PARD3: variants seen among roughly 807,000 people sequenced by gnomAD.
The protein encoded by PARD3 is par-3 family cell polarity regulator.
A neutral mutation model predicts 155.4 loss-of-function variants in PARD3; 75 were observed. The ratio of observed to expected loss-of-function variants is 0.48; its 90% CI spans 0.40 to 0.58. PARD3 has a LOEUF of 0.58. Among genes scored for constraint, PARD3 ranks in the 20% least tolerant of loss-of-function variants. The probability of loss-of-function intolerance (pLI) is 0.00; values close to 1 mark genes in which losing one functional copy is unlikely to be tolerated. For missense variants in PARD3, 1,642 were observed against 1,721.7 expected, an observed-to-expected ratio of 0.95 and a Z score of 0.82; for synonymous variants, 576 against 610.5, an observed-to-expected ratio of 0.94 and a Z score of 0.83.
chr10:34,610,829 C>A (rs1381936518), intron 2 of PARD3, among the ~76,000 whole-genome samples: 1 of 151,940 alleles, frequency 6.6e-6, no homozygotes, highest in Non-Finnish European at 1.5e-5. Context: ...TTAGAAGTAC[C>A]CACAGCTTTT....
chr10:34,239,668 T>C (rs1953453194), intron 22 of PARD3, among the ~76,000 whole-genome samples: 1 of 151,954 alleles, frequency 6.6e-6, no homozygotes, highest in Admixed American at 6.6e-5. Flanking sequence ...CCGGGCATGG[T>C]GACGTGTGCC....
At chr10:34,476,655 C>A (rs2078724943) in intron 3 of PARD3, among the ~76,000 whole-genome samples, 1 of 152,090 alleles carries the variant, frequency 6.6e-6, no homozygotes, top group Non-Finnish European at 1.5e-5. Context: ...GGTGCGAGTA[C>A]ACATATGTTC....
At chr10:34,704,862 CAAAT>C (rs1171388151) in intron 1 of PARD3, among the ~76,000 whole-genome samples, 4 of 152,274 alleles carry the variant, frequency 2.6e-5, no homozygotes, top group South Asian at 2.1e-4. Context: ...GTTAACAAGA[CAAAT>C]AAAGTCCTAG....
At chr10:34,353,213 G>A (rs1838371924) in intron 14 of PARD3, among the ~76,000 whole-genome samples, 1 of 152,246 alleles carries the variant, frequency 6.6e-6, no homozygotes, top group African/African-American at 2.4e-5. Context: ...CCGTCCGGGA[G>A]GTGGACCCAA....
In PARD3 at chr10:34,382,569, C is replaced by A. The variant is rs201396530; in HGVS notation, c.1370G>T (p.Gly457Val). Residue 457 changes from glycine to valine, a missense_variant, in exon 9 of 25, where the codon GGC becomes GTC. Around this residue, in one of 3 missense-constraint regions of PARD3, gnomAD observed 1,529 missense variants for 1,587.3 expected, o/e 0.96. Transcript: ENST00000374788. Reference sequence around the variant, plus strand: ...CTTAAGCTGGATATTAAGCCTCTTGCCTATTTTTTTGGTGTTATAACCACT... The same window carrying A: ...CTTAAGCTGGATATTAAGCCTCTTGACTATTTTTTTGGTGTTATAACCACT... ...VSSGYNTKKIGKRLNIQLKKG... is the reference protein window; with the variant it reads ...VSSGYNTKKIVKRLNIQLKKG... 50 of 1,613,166 alleles carry A rather than the reference C, an allele frequency of 3.1e-5. No individual in the cohort carries two copies. The highest frequency in any genetic ancestry group is 4.2e-5 in the Non-Finnish European group (49 of 1,179,964).
At chr10:34,733,672 C>T (rs973849288) in intron 1 of PARD3, among the ~76,000 whole-genome samples, 7 of 152,072 alleles carry the variant, frequency 4.6e-5, no homozygotes, top group Non-Finnish European at 7.4e-5. Context: ...TTAGTAGAGA[C>T]GGGGTTTGAG....
At chr10:34,303,069 T>A (rs143920776) in intron 20 of PARD3, among the ~76,000 whole-genome samples, 638 of 33,092 alleles carry the variant, frequency 0.019, 6 homozygotes, top group African/African-American at 0.035. Context: ...AACCAAGTTT[T>A]AAAAAAAAAA....
chr10:34,132,924 T>C (rs1006622113), intron 22 of PARD3, among the ~76,000 whole-genome samples: 2 of 152,020 alleles, frequency 1.3e-5, no homozygotes, highest in Non-Finnish European at 2.9e-5. Context: ...AGAAGGAGCA[T>C]CTGAATGTCA....
At chr10:34,134,724 T>A (rs992304077) in intron 22 of PARD3, among the ~76,000 whole-genome samples, 1 of 151,596 alleles carries the variant, frequency 6.6e-6, no homozygotes, top group African/African-American at 2.4e-5. Context: ...ATGGCTGAAG[T>A]TGGAAAACAG....
intron 1 of PARD3, among the ~76,000 whole-genome samples, chr10:34,796,154 A>G (rs1236807226): frequency 6.6e-6 from 1 of 152,180 alleles, no homozygotes; most frequent in Non-Finnish European, 1.5e-5. Context: ...TTTGTACAAT[A>G]AACTATGAAC....
intron 23 of PARD3, among the ~76,000 whole-genome samples, chr10:34,128,538 A>G (rs1947413842): frequency 3.9e-5 from 6 of 152,186 alleles, no homozygotes; most frequent in Admixed American, 3.9e-4. Context: ...GCAGTAGTTA[A>G]GTTTTCGGGA....
intron 6 of PARD3, 87 bp downstream of exon 6, chr10:34,401,739 C>T: frequency 1.2e-6 from 1 of 869,120 alleles, no homozygotes; most frequent in Non-Finnish European, 2.0e-6. Context: ...ACAAACATTC[C>T]TCATGCCATA....
At chr10:34,696,957 T>G (rs1470392102) in intron 1 of PARD3, among the ~76,000 whole-genome samples, 1 of 151,214 alleles carries the variant, frequency 6.6e-6, no homozygotes, top group Non-Finnish European at 1.5e-5. Context: ...ACAAAGCACA[T>G]CCTGTGTGGC....
intron 4 of PARD3, among the ~76,000 whole-genome samples, chr10:34,454,798 G>A (rs1191479347): frequency 6.6e-6 from 1 of 152,118 alleles, no homozygotes; most frequent in Non-Finnish European, 1.5e-5. Context: ...TAAATGTACT[G>A]CCACAGCATC....
chr10:34,684,665 TCATTCATTCTTCACACAGCCAC>T (rs1700754793), intron 2 of PARD3, among the ~76,000 whole-genome samples: 1 of 152,036 alleles, frequency 6.6e-6, no homozygotes, highest in African/African-American at 2.4e-5. Context: ...TGCTGCCTCC[TCATTCATTCTTCACACAGCCAC>T]CAGGGGGATA....
intron 22 of PARD3, among the ~76,000 whole-genome samples, chr10:34,227,571 G>A (rs1021071708): frequency 7.2e-5 from 11 of 152,216 alleles, no homozygotes; most frequent in Non-Finnish European, 1.2e-4. Flanking sequence ...CCGGGAGGCA[G>A]AGGTTGCAGT....
intron 2 of PARD3, among the ~76,000 whole-genome samples, chr10:34,591,076 C>A (rs1372408386): frequency 6.6e-6 from 1 of 152,080 alleles, no homozygotes; most frequent in Non-Finnish European, 1.5e-5. Context: ...ACCTGCACAC[C>A]ATTCTGTCCC....
chr10:34,556,225 G>A (rs4497348), intron 2 of PARD3, among the ~76,000 whole-genome samples: 4,762 of 152,156 alleles, frequency 0.031, 221 homozygotes, highest in African/African-American at 0.1. Context: ...CGGTAGTACC[G>A]TTACAACAAC....
At chr10:34,138,342 T>C (rs967058848) in intron 22 of PARD3, among the ~76,000 whole-genome samples, 1 of 152,188 alleles carries the variant, frequency 6.6e-6, no homozygotes, top group Non-Finnish European at 1.5e-5. Flanking sequence ...TGGAAATCTA[T>C]TCAATTGCTT....
Sources: allele counts gnomAD v4.1 joint callset (sites outside exome capture counted in the v4.1 genomes callset), GRCh38; gene constraint gnomAD v4.1.1; regional missense constraint gnomAD v4.1.1; transcripts MANE v1.5; gene names NCBI Gene and HGNC (gene_info 2026-07-23, HGNC 2026-07-21).